HIVEP3: variants seen among roughly 807,000 people sequenced by gnomAD.
HIVEP3 encodes the protein transcription factor HIVEP3.
Under a neutral mutation model 152.8 loss-of-function variants are expected in HIVEP3, and 49 were observed. The ratio of observed to expected loss-of-function variants is 0.32; its 90% CI spans 0.26 to 0.41. The LOEUF is 0.41. HIVEP3 is among the 10% of genes least tolerant of loss of function. HIVEP3 has a pLI of 1.00. For missense variants in HIVEP3, 2,790 were observed against 3,103.3 expected, an observed-to-expected ratio of 0.90 and a Z score of 2.40; for synonymous variants, 1,269 against 1,289.0, an observed-to-expected ratio of 0.98 and a Z score of 0.33.
intron 5 of HIVEP3, among the ~76,000 whole-genome samples, chr1:41,526,271 ACT>A (rs1642902396): frequency 1.4e-5 from 2 of 146,034 alleles, no homozygotes; most frequent in African/African-American, 5.1e-5. Context: ...ACACCCACAC[ACT>A]CACCCTCACA....
chr1:41,821,528 C>T (rs557159561), intron 1 of HIVEP3, among the ~76,000 whole-genome samples: 22 of 152,304 alleles, frequency 1.4e-4, no homozygotes, highest in African/African-American at 5.1e-4. Context: ...CCCTACTCCA[C>T]CCCAGCCCCA....
rs74071561 is a variant in HIVEP3, at chr1:41,513,179, G to A, written c.6042C>T (p.His2014=). The A allele has an allele frequency of 4.9e-3, 7,934 of 1,613,872 alleles. 353 individuals are homozygous for A. The African/African-American group carries it at 0.095, about 19-fold the overall frequency. The change falls in exon 8 of 9, where the codon CAC becomes CAT. Residue 2014 remains histidine, a synonymous_variant. Transcript: ENST00000372583. ...CGCCCATGCCCCTTCCTGGGTCCAC[G>A]TGCAGGCCAGGTGGGCTTGGGGCTG... ...QASAPSPPGL[H]VDPGRGMGAL...
At position 41,859,726 on chromosome 1, in the gene HIVEP3, C is replaced by A. The variant is rs557379523; in HGVS notation, c.-801+58687G>T. On this transcript the variant is annotated intron_variant, in intron 1 of 8. Transcript: ENST00000372583. ...ACTGCTAACCTTTAGACAATCTTTG[C>A]CAATTTGTTAGGGGAAAGAACAACC... Among the ~76,000 whole-genome samples the A allele has an allele frequency of 2.0e-5, 3 of 152,324 alleles. No homozygotes were observed. The South Asian group carries it at 6.2e-4, about 32-fold the overall frequency.
At chr1:41,835,031 C>A (rs1212993850) in intron 1 of HIVEP3, among the ~76,000 whole-genome samples, 1 of 152,118 alleles carries the variant, frequency 6.6e-6, no homozygotes, top group Non-Finnish European at 1.5e-5. Context: ...TCCACGAAGC[C>A]ATTGCAGGGT....
chr1:41,631,999 T>C (rs1645201928), intron 2 of HIVEP3, among the ~76,000 whole-genome samples: 1 of 152,044 alleles, frequency 6.6e-6, no homozygotes, highest in Non-Finnish European at 1.5e-5. Context: ...CTGCCCATCT[T>C]CCCTCAGGAG....
chr1:41,866,051 A>G (rs1456707052), intron 1 of HIVEP3, among the ~76,000 whole-genome samples: 4 of 152,214 alleles, frequency 2.6e-5, no homozygotes, highest in Non-Finnish European at 5.9e-5. Context: ...CTGTCCATTA[A>G]CAAAACAGAG....
At chr1:41,618,215 C>A (rs995495795) in intron 3 of HIVEP3, among the ~76,000 whole-genome samples, 16 of 152,216 alleles carry the variant, frequency 1.1e-4, no homozygotes, top group Non-Finnish European at 1.5e-5. Flanking sequence ...GAGCCCGGAG[C>A]CACCAGGCTT....
intron 1 of HIVEP3, among the ~76,000 whole-genome samples, chr1:41,720,671 A>C (rs1204474586): frequency 6.6e-6 from 1 of 152,222 alleles, no homozygotes; most frequent in Non-Finnish European, 1.5e-5. Flanking sequence ...TAGAACTACC[A>C]TATGATCTAG....
At chr1:41,901,430 A>T (rs766764245) in intron 1 of HIVEP3, among the ~76,000 whole-genome samples, 75 of 152,054 alleles carry the variant, frequency 4.9e-4, no homozygotes, top group Non-Finnish European at 8.7e-4. Flanking sequence ...GGAAGACTAC[A>T]TTGTAAGAAG....
intron 3 of HIVEP3, among the ~76,000 whole-genome samples, chr1:41,603,301 C>T (rs752324100): frequency 6.6e-6 from 1 of 152,060 alleles, no homozygotes; most frequent in African/African-American, 2.4e-5. Flanking sequence ...CTGCTGACCT[C>T]AGGTGATCCA....
At chr1:41,923,988 A>T (rs553371705) in intron 1 of HIVEP3, among the ~76,000 whole-genome samples, 5 of 152,170 alleles carry the variant, frequency 3.3e-5, no homozygotes, top group African/African-American at 9.6e-5. Flanking sequence ...ACTGGCCCCC[A>T]AAGATATCTA....
At chr1:42,016,471 T>C (rs1645523742) in intron 1 of HIVEP3, among the ~76,000 whole-genome samples, 1 of 152,156 alleles carries the variant, frequency 6.6e-6, no homozygotes, top group African/African-American at 2.4e-5. Context: ...TACAAAGGTA[T>C]ACAAAAATAA....
Position 41,812,499 on chromosome 1 carries a change from T to C in HIVEP3, c.-801+105914A>G, listed in dbSNP as rs1651021829. ...TAAGATGTCATGGATATGGAATAAA[T>C]AGAGGATAAAGCCCACTGAGGAAAT... On this transcript the variant is annotated intron_variant, in intron 1 of 8. Coordinates refer to ENST00000372583, the MANE Select transcript of HIVEP3 (RefSeq NM_024503.5). Among the ~76,000 whole-genome samples the C allele has an allele frequency of 3.9e-5, 6 of 152,026 alleles. No homozygotes were observed. In the South Asian group the frequency reaches 1.0e-3, roughly 26 times the overall value.
chr1:41,905,371 G>A (rs982417091), intron 1 of HIVEP3, among the ~76,000 whole-genome samples: 5 of 152,174 alleles, frequency 3.3e-5, no homozygotes, highest in Non-Finnish European at 5.9e-5. Context: ...GGGAACTGGG[G>A]TGCCAGGGTG....
intron 1 of HIVEP3, among the ~76,000 whole-genome samples, chr1:41,791,455 A>G (rs349437): frequency 0.31 from 46,772 of 152,210 alleles, 7,953 homozygotes; most frequent in Middle Eastern, 0.45. Flanking sequence ...TGAAAGGAGC[A>G]CAGATGGCTG....
intron 1 of HIVEP3, among the ~76,000 whole-genome samples, chr1:41,762,670 G>T (rs182665151): frequency 5.9e-5 from 9 of 152,176 alleles, no homozygotes; most frequent in African/African-American, 2.2e-4. Flanking sequence ...GCAGCTAGCC[G>T]GACCCCACAC....
intron 1 of HIVEP3, among the ~76,000 whole-genome samples, chr1:41,982,718 A>G (rs1441113156): frequency 2.6e-5 from 4 of 152,162 alleles, no homozygotes; most frequent in Non-Finnish European, 4.4e-5. Flanking sequence ...TTGGTGATAG[A>G]ATAGGAGGTG....
In HIVEP3 at chr1:41,623,879, A is replaced by G. The variant is rs1645079635; in HGVS notation, c.-522+4870T>C. 1.4e-5 allele frequency among the ~76,000 whole-genome samples: 2 copies of G among 142,024 alleles called. 1 individual carries two copies. Among genetic ancestry groups the G allele is most frequent in the South Asian group, 4.7e-4 (2 of 4,254 alleles). The allele number at this position is 142,024 out of a possible 152,430, so 93.2% of individuals were successfully genotyped here. On this transcript the variant is annotated intron_variant, in intron 3 of 8. Coordinates refer to ENST00000372583, the MANE Select transcript of HIVEP3 (RefSeq NM_024503.5). ...TCACACCTTGACCTGTTGAATGGCC[A>G]CAGAGGCTCTCTGCATGCCGATCAG...
At chr1:42,008,258 ACT>A (rs780830311) in intron 1 of HIVEP3, among the ~76,000 whole-genome samples, 15 of 152,046 alleles carry the variant, frequency 9.9e-5, no homozygotes, top group African/African-American at 1.4e-4. Flanking sequence ...GATCAAGTGG[ACT>A]CTCTGTTCCT....
Sources: gnomAD v4.1 joint callset for allele counts (sites outside exome capture counted in the v4.1 genomes callset) on GRCh38, gnomAD v4.1.1 for gene constraint, MANE v1.5 for transcripts, NCBI Gene and HGNC (gene_info 2026-07-23, HGNC 2026-07-21) for gene names.